The following PTPRU variants were observed in gnomAD, a reference collection of about 807,000 sequenced individuals.
The protein encoded by PTPRU is protein tyrosine phosphatase receptor type U.
In PTPRU, 69 loss-of-function variants were observed where a neutral mutation model predicts 166.3. The observed-to-expected ratio is 0.41, with a 90% CI of 0.34 to 0.51. The LOEUF is 0.51. Among genes scored for constraint, PTPRU ranks in the 20% least tolerant of loss-of-function variants. PTPRU has a pLI of 0.09. For missense variants in PTPRU, 1,657 were observed against 2,013.7 expected, an observed-to-expected ratio of 0.82 and a Z score of 3.39; for synonymous variants, 793 against 814.0, an observed-to-expected ratio of 0.97 and a Z score of 0.44.
At chr1:29,261,842 T>A (rs1005869867) in intron 7 of PTPRU, among the ~76,000 whole-genome samples, 1 of 152,202 alleles carries the variant, frequency 6.6e-6, no homozygotes, top group Non-Finnish European at 1.5e-5. Flanking sequence ...TTAGTGTGTT[T>A]TTTTAATGGA....
intron 22 of PTPRU, among the ~76,000 whole-genome samples, chr1:29,313,932 T>C (rs576052917): frequency 6.6e-6 from 1 of 152,340 alleles, no homozygotes; most frequent in East Asian, 1.9e-4. Flanking sequence ...AACCCGTTTC[T>C]GGCCTGAATT....
At chr1:29,250,904 G>A (rs995864653) in intron 1 of PTPRU, among the ~76,000 whole-genome samples, 1 of 152,232 alleles carries the variant, frequency 6.6e-6, no homozygotes, top group African/African-American at 2.4e-5. Context: ...CTGGCCCAGA[G>A]ACACAGGTCT....
At chr1:29,296,821 C>G (rs1686905419) in intron 15 of PTPRU, among the ~76,000 whole-genome samples, 1 of 151,108 alleles carries the variant, frequency 6.6e-6, no homozygotes, top group African/African-American at 2.4e-5. Context: ...CGTGTCTGGC[C>G]AGATTTTAAA....
At chr1:29,310,189 C>T (rs1285059098) in intron 18 of PTPRU, among the ~76,000 whole-genome samples, 1 of 152,168 alleles carries the variant, frequency 6.6e-6, no homozygotes, top group Non-Finnish European at 1.5e-5. Context: ...ATCCAAGGGC[C>T]ATGAGTAATG....
chr1:29,304,194 C>G, intron 16 of PTPRU, 149 bp downstream of exon 16: 1 of 931,788 alleles, frequency 1.1e-6, no homozygotes, highest in South Asian at 2.0e-5. Context: ...GACCTCGACT[C>G]TGACCCTCAT....
intron 7 of PTPRU, among the ~76,000 whole-genome samples, chr1:29,272,656 C>G (rs138295789): frequency 6.6e-6 from 1 of 152,010 alleles, no homozygotes; most frequent in Non-Finnish European, 1.5e-5. Flanking sequence ...CCTGTAATCC[C>G]AGTACTTTGG....
chr1:29,252,260 CT>C lies in PTPRU; in HGVS notation c.74-3009del, dbSNP rs1455602694. Among the ~76,000 whole-genome samples, 15 of 120,618 alleles carry C rather than the reference CT, an allele frequency of 1.2e-4. No homozygotes were observed. In the Admixed American group the frequency reaches 1.5e-3, roughly 12 times the overall value. The allele number at this position is 120,618 out of a possible 152,430, so 79.1% of individuals were successfully genotyped here. ...GCCTGGCTCTTCTGGGTGTGTTTTT[CT>C]TTTTTCTTTCTTTTTTTTTTTTTTG... is the stretch of plus-strand genomic sequence containing the variant. On this transcript the variant is annotated intron_variant, in intron 1 of 29. Coordinates refer to ENST00000373779, the MANE Select transcript of PTPRU (RefSeq NM_133178.4).
chr1:29,270,002 A>G (rs1685492607), intron 7 of PTPRU, among the ~76,000 whole-genome samples: 1 of 152,160 alleles, frequency 6.6e-6, no homozygotes, highest in Non-Finnish European at 1.5e-5. Context: ...AATGATAAAT[A>G]ATACTATATT....
At chr1:29,325,382 C>G (rs1688363421) in intron 29 of PTPRU, 56 bp downstream of exon 29, 1 of 1,593,144 alleles carries the variant, frequency 6.3e-7, no homozygotes, top group Admixed American at 1.7e-5. Flanking sequence ...CATGCCAGGC[C>G]AGGTTCCTTA....
intron 1 of PTPRU, among the ~76,000 whole-genome samples, chr1:29,239,370 C>T (rs11810941): frequency 0.017 from 2,585 of 152,210 alleles, 34 homozygotes; most frequent in Middle Eastern, 0.037. Context: ...GAGTTGTGGA[C>T]GGCAGGAATG....
chr1:29,324,913 C>T (rs1688335147), intron 28 of PTPRU, among the ~76,000 whole-genome samples: 1 of 151,158 alleles, frequency 6.6e-6, no homozygotes, highest in Non-Finnish European at 1.5e-5. Flanking sequence ...TTGGCCCCTC[C>T]TTTCTGGGTT....
At chr1:29,325,484 G>C in intron 29 of PTPRU, 115 bp from the exon 30 acceptor site, 1 of 1,507,440 alleles carries the variant, frequency 6.6e-7, no homozygotes, top group South Asian at 1.2e-5. Flanking sequence ...CCTTCTCCCC[G>C]AGGGCGGGCC....
At chr1:29,284,031 C>A in intron 13 of PTPRU, 55 bp downstream of exon 13, 2 of 1,603,398 alleles carry the variant, frequency 1.2e-6, no homozygotes, top group South Asian at 1.1e-5. Flanking sequence ...ACCTGCCCAG[C>A]GCTGGGGAGG....
chr1:29,279,121 G>T lies in PTPRU; in HGVS notation c.1563G>T (p.Glu521Asp). ...CCAATGGTCTCATCACCCAGTATGA[G>T]GTGGGTTTGGGACCCTATTACAGTG... ...QEPNGLITQY[E>D]ISYQSIESSD... The change falls in exon 9 of 30, where the codon GAG (glutamate) becomes GAT (aspartate). Residue 521 changes from glutamate to aspartate, a missense_variant and splice_region_variant. Physicochemically the swap from Glu to Asp is conservative, Grantham distance 45. This residue lies in a region of PTPRU where 1,190 missense variants were observed against 1,477.4 expected (regional missense o/e 0.81). Coordinates refer to ENST00000373779, the MANE Select transcript of PTPRU (RefSeq NM_133178.4). This position sits in a 1 kb window ranked among gnomAD's most constrained non-coding sequence, Gnocchi z 5.2. 1 of 1,563,566 alleles carries T rather than the reference G, an allele frequency of 6.4e-7. No homozygotes were observed. Among genetic ancestry groups the T allele is most frequent in the Non-Finnish European group, 8.7e-7 (1 of 1,152,828 alleles).
chr1:29,289,806 C>G lies in PTPRU; in HGVS notation c.2319-2063C>G. On this transcript the variant is annotated intron_variant, in intron 14 of 29. Coordinates refer to ENST00000373779, the MANE Select transcript of PTPRU (RefSeq NM_133178.4). ...TCTGGTTGGGCTTAGTCTCGCTGCA[C>G]CCAGCCTGGCCTGGTGTCCACCCGG... The G allele has an allele frequency of 2.1e-6, 3 of 1,438,138 alleles. No homozygotes were observed. In the South Asian group the frequency reaches 3.6e-5, roughly 17 times the overall value. The allele number at this position is 1,438,138 out of a possible 1,614,324, so 89.1% of individuals were successfully genotyped here.
chr1:29,254,862 A>G (rs1021632079), intron 1 of PTPRU, among the ~76,000 whole-genome samples: 6 of 152,182 alleles, frequency 3.9e-5, no homozygotes, highest in African/African-American at 7.2e-5. Flanking sequence ...CGTGACCCTA[A>G]TGAAGTCACT....
At chr1:29,273,561 G>A (rs942872450) in intron 7 of PTPRU, among the ~76,000 whole-genome samples, 3 of 152,054 alleles carry the variant, frequency 2.0e-5, no homozygotes, top group Non-Finnish European at 2.9e-5. Context: ...GAGCCACCAC[G>A]CCTGGCCAAC....
intron 7 of PTPRU, among the ~76,000 whole-genome samples, chr1:29,263,008 C>T (rs902600556): frequency 5.3e-5 from 8 of 152,094 alleles, no homozygotes; most frequent in Middle Eastern, 6.8e-3. Flanking sequence ...ATTATTAAGA[C>T]GGAGTTTCAC....
At chr1:29,308,338 G>A (rs946377263) in intron 18 of PTPRU, among the ~76,000 whole-genome samples, 1 of 149,770 alleles carries the variant, frequency 6.7e-6, no homozygotes, top group Non-Finnish European at 1.5e-5. Context: ...GGAGGCCAAG[G>A]CAGGCAGATT....
Sources: allele counts gnomAD v4.1 joint callset (sites outside exome capture counted in the v4.1 genomes callset), GRCh38; gene constraint gnomAD v4.1.1; regional missense constraint gnomAD v4.1.1; non-coding constraint Gnocchi (gnomAD v3.1); transcripts MANE v1.5; gene names NCBI Gene and HGNC (gene_info 2026-07-23, HGNC 2026-07-21).